TPX2: variants seen among roughly 807,000 people sequenced by gnomAD.
TPX2 encodes the protein TPX2 microtubule nucleation factor, also known as targeting protein for Xklp2.
A neutral mutation model predicts 93.6 loss-of-function variants in TPX2; 21 were observed. That is an observed-to-expected ratio of 0.22 (90% CI 0.16 to 0.32). The LOEUF (loss-of-function observed/expected upper bound fraction) is 0.32. Ranked by LOEUF, TPX2 falls within the 10% of genes least tolerant of loss-of-function variation. TPX2 has a pLI of 1.00. For synonymous variants in TPX2, 281 were observed against 298.3 expected (o/e 0.94, Z 0.60); for missense variants, 776 against 871.1 (o/e 0.89, Z 1.37).
At chr20:31,769,532 T>A (rs6089065) in intron 5 of TPX2, among the ~76,000 whole-genome samples, 2 of 151,932 alleles carry the variant, frequency 1.3e-5, no homozygotes, top group Non-Finnish European at 2.9e-5. Context: ...CACCATGTTA[T>A]CCAGGATGGT....
intron 9 of TPX2, among the ~76,000 whole-genome samples, chr20:31,777,878 G>C (rs1184722793): frequency 6.6e-6 from 1 of 151,830 alleles, no homozygotes; most frequent in Non-Finnish European, 1.5e-5. Context: ...CCGGGTTCAA[G>C]TAATTCTCCT....
chr20:31,781,253 C>CTTTTTTTTTTTT (rs1007150417), intron 10 of TPX2, among the ~76,000 whole-genome samples: 2 of 116,768 alleles, frequency 1.7e-5, no homozygotes, highest in African/African-American at 7.3e-5. Flanking sequence ...GGCCTTATAT[C>CTTTTTTTTTTTT]TTTTTTTTTT....
At chr20:31,776,365 C>T (rs2061999699) in intron 8 of TPX2, among the ~76,000 whole-genome samples, 1 of 151,948 alleles carries the variant, frequency 6.6e-6, no homozygotes, top group Non-Finnish European at 1.5e-5. Flanking sequence ...CAGGCGTGAG[C>T]CACCGCACCC....
At position 31,794,474 on chromosome 20, in the gene TPX2, G is replaced by A; in HGVS notation, c.1759G>A (p.Val587Met). The change falls in exon 15 of 18, where the codon GTG becomes ATG. Residue 587 changes from valine to methionine, a missense_variant. Val to Met is a conservative substitution (Grantham distance 21). This residue lies in a region of TPX2 where 461 missense variants were observed against 551.2 expected (regional missense o/e 0.84). Transcript: ENST00000300403. Reference sequence around the variant, plus strand: ...CCTGCCAGAGAAGAAGGTAAAGAATGTGACCCAGATTGAACCTTTCTGCTT... The same window carrying A: ...CCTGCCAGAGAAGAAGGTAAAGAATATGACCCAGATTGAACCTTTCTGCTT... ...INLPEKKVKN[V>M]TQIEPFCLET... 4.3e-6 allele frequency: 7 copies of A among 1,614,150 alleles called. No individual in the cohort carries two copies. Among genetic ancestry groups the A allele is most frequent in the Non-Finnish European group, 5.9e-6 (7 of 1,180,046 alleles).
chr20:31,768,262 A>T (rs1174508094), intron 5 of TPX2, among the ~76,000 whole-genome samples: 1 of 119,274 alleles, frequency 8.4e-6, no homozygotes, highest in African/African-American at 3.3e-5. Flanking sequence ...TTTTCAGACG[A>T]GTCTCGCTCT....
chr20:31,793,054 TG>T (rs2123087803), intron 13 of TPX2, among the ~76,000 whole-genome samples: 1 of 152,318 alleles, frequency 6.6e-6, no homozygotes, highest in South Asian at 2.1e-4. Flanking sequence ...TTACAATTTA[TG>T]GAAACAGTAA....
intron 12 of TPX2, among the ~76,000 whole-genome samples, chr20:31,786,202 C>G (rs115982329): frequency 2.0e-5 from 3 of 151,934 alleles, no homozygotes; most frequent in African/African-American, 7.3e-5. Context: ...CCCAAAATCA[C>G]AAACTAGTGA....
chr20:31,779,449 T>G (rs1397986438), intron 10 of TPX2, among the ~76,000 whole-genome samples: 2 of 152,230 alleles, frequency 1.3e-5, no homozygotes, highest in African/African-American at 4.8e-5. Context: ...AACATCAGGT[T>G]TCTAATTCAA....
At chr20:31,762,568 T>C (rs2061896752) in intron 4 of TPX2, among the ~76,000 whole-genome samples, 1 of 152,108 alleles carries the variant, frequency 6.6e-6, no homozygotes, top group South Asian at 2.1e-4. Context: ...CAGGCTGGTC[T>C]TGAACTCCTG....
intron 10 of TPX2, among the ~76,000 whole-genome samples, chr20:31,781,502 TGATCCCCCTGC>T (rs2062033562): frequency 6.6e-6 from 1 of 151,814 alleles, no homozygotes; most frequent in Non-Finnish European, 1.5e-5. Flanking sequence ...CCTGACCTCG[TGATCCCCCTGC>T]CTCGGCCTCC....
At chr20:31,754,565 G>A (rs1344419175) in intron 2 of TPX2, among the ~76,000 whole-genome samples, 1 of 152,140 alleles carries the variant, frequency 6.6e-6, no homozygotes, top group Non-Finnish European at 1.5e-5. Flanking sequence ...TTGGGGAACT[G>A]GCACACTCCT....
chr20:31,775,119 C>G (rs983122751), intron 7 of TPX2, among the ~76,000 whole-genome samples: 3 of 151,852 alleles, frequency 2.0e-5, no homozygotes, highest in African/African-American at 7.2e-5. Context: ...GCCACTACAT[C>G]TGGCTAATTT....
At chr20:31,776,165 C>T (rs1468626664) in intron 8 of TPX2, among the ~76,000 whole-genome samples, 177 bp downstream of exon 8, 3 of 147,914 alleles carry the variant, frequency 2.0e-5, no homozygotes, top group African/African-American at 4.9e-5. Flanking sequence ...ACTGCAAGCT[C>T]CGCTTCCCAG....
At position 31,770,417 on chromosome 20, in the gene TPX2, G is replaced by A. The variant is rs764276147; in HGVS notation, c.431G>A (p.Arg144Lys). Residue 144 changes from arginine (R) to lysine (K), a missense_variant, in exon 6 of 18, where the codon AGA becomes AAA. Physicochemically the swap from Arg to Lys is conservative, Grantham distance 26. Around this residue, in one of 3 missense-constraint regions of TPX2, gnomAD observed 279 missense variants for 261.6 expected, o/e 1.07. Transcript: ENST00000300403. ...EKHHVKMKAK[R>K]CATPVIIDEI... ...CATCATGTAAAAATGAAAGCCAAGA[G>A]ATGTGCCACTCCTGTAATCATCGAT... 3 of 1,606,494 alleles carry A rather than the reference G, an allele frequency of 1.9e-6. No homozygotes were observed. The highest frequency in any genetic ancestry group is 3.4e-5 in the Admixed American group (2 of 59,166).
chr20:31,764,084 T>C (rs2061908585), intron 4 of TPX2, among the ~76,000 whole-genome samples: 1 of 146,558 alleles, frequency 6.8e-6, no homozygotes, highest in South Asian at 2.1e-4. Context: ...CACACAAGCA[T>C]ATATATATGT....
intron 1 of TPX2, among the ~76,000 whole-genome samples, chr20:31,740,247 G>A (rs1162397616): frequency 1.3e-5 from 2 of 152,176 alleles, no homozygotes; most frequent in Non-Finnish European, 2.9e-5. Context: ...TAGGATAGAA[G>A]AGGATTTTTG....
Position 31,766,648 on chromosome 20 carries a change from G to A in TPX2, c.322G>A (p.Ala108Thr), listed in dbSNP as rs745355855. 42 of 1,613,472 alleles carry A rather than the reference G, an allele frequency of 2.6e-5. No homozygotes were observed. The Middle Eastern group carries it at 4.9e-4, about 19-fold the overall frequency. Residue 108 changes from alanine to threonine, a missense_variant, in exon 5 of 18, where the codon GCC becomes ACC. Physicochemically the swap from Ala to Thr is moderately conservative, Grantham distance 58 (BLOSUM62 0). Around this residue, in one of 3 missense-constraint regions of TPX2, gnomAD observed 279 missense variants for 261.6 expected, o/e 1.07. Coordinates refer to ENST00000300403, the MANE Select transcript of TPX2 (RefSeq NM_012112.5). ...TTGTTCTTCCCTGGAAGTTGAGGCAGCCATATCAAGAAAAACTCCAGCCCA... is the reference window on the plus strand; with the variant it reads ...TTGTTCTTCCCTGGAAGTTGAGGCAACCATATCAAGAAAAACTCCAGCCCA... ...NACSSLEVEAAISRKTPAQPQ... is the reference protein window; with the variant it reads ...NACSSLEVEATISRKTPAQPQ...
chr20:31,763,207 C>G (rs2061901311), intron 4 of TPX2, among the ~76,000 whole-genome samples: 1 of 152,036 alleles, frequency 6.6e-6, no homozygotes, highest in Non-Finnish European at 1.5e-5. Context: ...GAGACAGAGT[C>G]TCACTCTTGT....
intron 12 of TPX2, among the ~76,000 whole-genome samples, chr20:31,785,782 G>A (rs1451964107): frequency 6.6e-6 from 1 of 152,048 alleles, no homozygotes; most frequent in African/African-American, 2.4e-5. Flanking sequence ...ACAGGCGTGA[G>A]CCACCGTGCC....
Sources: allele counts gnomAD v4.1 joint callset (sites outside exome capture counted in the v4.1 genomes callset), GRCh38; gene constraint gnomAD v4.1.1; regional missense constraint gnomAD v4.1.1; transcripts MANE v1.5; gene names NCBI Gene and HGNC (gene_info 2026-07-23, HGNC 2026-07-21).